PIEZO2: variants seen among roughly 807,000 people sequenced by gnomAD.
The protein encoded by PIEZO2 is piezo-type mechanosensitive ion channel component 2.
Under a neutral mutation model 337.3 loss-of-function variants are expected in PIEZO2, and 172 were observed. That is an observed-to-expected ratio of 0.51 (90% CI 0.45 to 0.58). The LOEUF (loss-of-function observed/expected upper bound fraction) is 0.58. PIEZO2 is among the 20% of genes least tolerant of loss of function. PIEZO2 has a pLI of 0.00. For missense variants in PIEZO2, 3,028 were observed against 3,391.3 expected (o/e 0.89, Z 2.66); for synonymous variants, 1,251 against 1,228.5 (o/e 1.02, Z -0.38).
intron 40 of PIEZO2, among the ~76,000 whole-genome samples, chr18:10,706,333 T>A (rs563109079): frequency 6.6e-6 from 1 of 152,256 alleles, no homozygotes; most frequent in South Asian, 2.1e-4. Flanking sequence ...TGCTTTTCCA[T>A]CCTTTGCCTT....
At chr18:10,747,270 GA>G (rs1332965821) in intron 30 of PIEZO2, among the ~76,000 whole-genome samples, 1 of 152,138 alleles carries the variant, frequency 6.6e-6, no homozygotes, top group Admixed American at 6.5e-5. Context: ...AAAAGACCTA[GA>G]AGCCTGAACC....
chr18:11,141,242 G>C (rs2040635676), intron 1 of PIEZO2, among the ~76,000 whole-genome samples: 1 of 152,218 alleles, frequency 6.6e-6, no homozygotes, highest in Non-Finnish European at 1.5e-5. Flanking sequence ...TTTGCCGCCA[G>C]TCAGGACTAC....
chr18:11,100,611 T>C (rs1454981232), intron 1 of PIEZO2, among the ~76,000 whole-genome samples: 3 of 152,190 alleles, frequency 2.0e-5, no homozygotes, highest in African/African-American at 7.2e-5. Flanking sequence ...TTCTTTTTTT[T>C]TTGAGACGGA....
rs2035838074 is a variant in PIEZO2, at chr18:11,009,871, G to A, written c.161-30211C>T. Among the ~76,000 whole-genome samples, 1 of 152,072 alleles carries A rather than the reference G, an allele frequency of 6.6e-6. No individual in the cohort carries two copies. The highest frequency in any genetic ancestry group is 6.6e-5 in the Admixed American group (1 of 15,262). On this transcript the variant is annotated intron_variant, in intron 2 of 55. Transcript: ENST00000674853. This position sits in a 1 kb window ranked among gnomAD's most constrained non-coding sequence, Gnocchi z 4.6. ...GGGAGACCGCATGGAGACACAAAGA[G>A]AAGACAGCCATCTGCGAGCCAAAGA...
chr18:11,146,191 T>G lies in PIEZO2; in HGVS notation c.64+2334A>C, dbSNP rs569441714. Among the ~76,000 whole-genome samples the G allele has an allele frequency of 6.6e-6, 1 of 152,148 alleles. No individual in the cohort carries two copies. Among genetic ancestry groups the G allele is most frequent in the Non-Finnish European group, 1.5e-5 (1 of 68,032 alleles). ...TAAAGAAGGCAGCCCCAGGATCTCCTGGGCAGACTCAGCTGTCCCCGAGGC... is the reference window on the plus strand; with the variant it reads ...TAAAGAAGGCAGCCCCAGGATCTCCGGGGCAGACTCAGCTGTCCCCGAGGC... On this transcript the variant is annotated intron_variant, in intron 1 of 55. Transcript: ENST00000674853. This position sits in a 1 kb window ranked among gnomAD's most constrained non-coding sequence, Gnocchi z 6.1.
rs1339676933 is a variant in PIEZO2 at position 11,109,259 on chromosome 18, G to C, written c.64+39266C>G. On this transcript the variant is annotated intron_variant, in intron 1 of 55. Coordinates refer to ENST00000674853, the MANE Select transcript of PIEZO2 (RefSeq NM_001378183.1). This position sits in a 1 kb window ranked among gnomAD's most constrained non-coding sequence, Gnocchi z 5.1. ...TGGTCCACATGATCATTTAAGGAGG[G>C]TAAAAAGCTCCAGTCAAAGGTATTG... is the stretch of plus-strand genomic sequence containing the variant. Among the ~76,000 whole-genome samples, 1 of 152,182 alleles carries C rather than the reference G, an allele frequency of 6.6e-6. No homozygotes were observed. Among genetic ancestry groups the C allele is most frequent in the Non-Finnish European group, 1.5e-5 (1 of 68,048 alleles).
At chr18:11,019,376 A>G (rs891525451) in intron 2 of PIEZO2, among the ~76,000 whole-genome samples, 2 of 152,184 alleles carry the variant, frequency 1.3e-5, no homozygotes, top group South Asian at 2.1e-4. Context: ...TCCAACCTGG[A>G]TATCAGTTCA....
Position 10,859,993 on chromosome 18 carries a change from A to G in PIEZO2, c.493-2782T>C, listed in dbSNP as rs2041831052. On this transcript the variant is annotated intron_variant, in intron 5 of 55. Coordinates refer to ENST00000674853, the MANE Select transcript of PIEZO2 (RefSeq NM_001378183.1). The surrounding 1 kb of genome is among the most constrained non-coding windows in gnomAD (Gnocchi z 4.9). ...AGGAAGGATAGATGATAATCAGGGT[A>G]GCTCCTCTATTTTTGTCTAGGGAGG... is the stretch of plus-strand genomic sequence containing the variant. Among the ~76,000 whole-genome samples the G allele has an allele frequency of 6.6e-6, 1 of 152,102 alleles. No individual in the cohort carries two copies. Among genetic ancestry groups the G allele is most frequent in the Non-Finnish European group, 1.5e-5 (1 of 68,022 alleles).
At chr18:10,959,040 T>C (rs988300592) in intron 3 of PIEZO2, among the ~76,000 whole-genome samples, 3 of 152,204 alleles carry the variant, frequency 2.0e-5, no homozygotes, top group Non-Finnish European at 4.4e-5. Context: ...CCTATAACTG[T>C]AGTGTAGAGG....
intron 1 of PIEZO2, among the ~76,000 whole-genome samples, chr18:11,091,895 C>A (rs1381663088): frequency 6.6e-6 from 1 of 152,206 alleles, no homozygotes; most frequent in Non-Finnish European, 1.5e-5. Context: ...TCAGTCACAG[C>A]ACAAGGGCAA....
At chr18:11,103,038 G>T (rs980034182) in intron 1 of PIEZO2, among the ~76,000 whole-genome samples, 1 of 152,122 alleles carries the variant, frequency 6.6e-6, no homozygotes, top group Admixed American at 6.5e-5. Flanking sequence ...ACAATCACTA[G>T]GAAGAAATAT....
At chr18:11,055,210 CAAAAAAAA>C (rs11390110) in intron 2 of PIEZO2, among the ~76,000 whole-genome samples, 1 of 79,848 alleles carries the variant, frequency 1.3e-5, no homozygotes, top group Non-Finnish European at 2.3e-5. Context: ...GACTCTGTCT[CAAAAAAAA>C]AAAAAAAAAA....
intron 1 of PIEZO2, among the ~76,000 whole-genome samples, chr18:11,136,634 G>C (rs2040495779): frequency 6.6e-6 from 1 of 152,234 alleles, no homozygotes; most frequent in Non-Finnish European, 1.5e-5. Flanking sequence ...TTGGAAACCA[G>C]TGTTTAGTTT....
intron 1 of PIEZO2, among the ~76,000 whole-genome samples, chr18:11,139,343 T>C (rs1410478230): frequency 1.3e-5 from 2 of 152,168 alleles, no homozygotes; most frequent in Admixed American, 1.3e-4. Flanking sequence ...AGAAACCATA[T>C]AATGCAAATA....
At chr18:11,120,700 C>A (rs1008655111) in intron 1 of PIEZO2, among the ~76,000 whole-genome samples, 1 of 152,202 alleles carries the variant, frequency 6.6e-6, no homozygotes. Flanking sequence ...ATTAAATCAA[C>A]TGTAAATCTA....
chr18:11,107,379 T>C (rs1332555908), intron 1 of PIEZO2, among the ~76,000 whole-genome samples: 1 of 152,152 alleles, frequency 6.6e-6, no homozygotes, highest in Non-Finnish European at 1.5e-5. Context: ...TCTGGGGTGA[T>C]AACAGTAAAC....
chr18:10,809,170 A>T (rs1290441588), intron 7 of PIEZO2, among the ~76,000 whole-genome samples: 1 of 151,722 alleles, frequency 6.6e-6, no homozygotes, highest in Non-Finnish European at 1.5e-5. Flanking sequence ...AGCAGAAGCT[A>T]ACCAGTAGCA....
intron 7 of PIEZO2, among the ~76,000 whole-genome samples, chr18:10,812,179 C>T (rs1322259428): frequency 6.6e-6 from 1 of 152,220 alleles, no homozygotes; most frequent in East Asian, 1.9e-4. Context: ...AATGAAGAAA[C>T]AATGAGACTC....
At chr18:10,744,660 A>G (rs972189618) in intron 30 of PIEZO2, among the ~76,000 whole-genome samples, 13 of 152,178 alleles carry the variant, frequency 8.5e-5, no homozygotes, top group Non-Finnish European at 1.5e-4. Flanking sequence ...GAAACTGGGG[A>G]TTCCTTCAGG....
Sources: allele counts gnomAD v4.1 joint callset (sites outside exome capture counted in the v4.1 genomes callset), GRCh38; gene constraint gnomAD v4.1.1; non-coding constraint Gnocchi (gnomAD v3.1); transcripts MANE v1.5; gene names NCBI Gene and HGNC (gene_info 2026-07-23, HGNC 2026-07-21).